Variants in FER1L6 observed in about 807,000 individuals in gnomAD.
The protein encoded by FER1L6 is fer-1-like protein 6.
Under a neutral mutation model 219.2 loss-of-function variants are expected in FER1L6, and 177 were observed. The observed-to-expected ratio is 0.81, with a 90% CI of 0.71 to 0.91. The LOEUF is 0.91. Among genes scored for constraint, FER1L6 ranks in the 40% least tolerant of loss-of-function variants. FER1L6 has a pLI of 0.00. For synonymous variants in FER1L6, 768 were observed against 824.3 expected, an observed-to-expected ratio of 0.93 and a Z score of 1.17; for missense variants, 2,153 against 2,259.9, an observed-to-expected ratio of 0.95 and a Z score of 0.96.
intron 31 of FER1L6, among the ~76,000 whole-genome samples, chr8:124,074,595 T>C (rs1038045156): frequency 1.2e-4 from 18 of 149,136 alleles, no homozygotes; most frequent in African/African-American, 4.2e-4. Context: ...TAAGTTGCAG[T>C]GAGCCAAGAC....
rs764916354 is a variant in FER1L6, at chr8:124,060,509, G to A, written c.2986-39G>A. ...GCCAGGGCAGGTGTGGGGCTCCTCC[G>A]TGGATCTGTGGTGATGGCTCTGCTG... On this transcript the variant is annotated intron_variant, in intron 23 of 40. Coordinates refer to ENST00000522917, the MANE Select transcript of FER1L6 (RefSeq NM_001039112.2). 35 of 1,607,872 alleles carry A rather than the reference G, an allele frequency of 2.2e-5. 2 individuals are homozygous for A. In the South Asian group the frequency reaches 2.8e-4, roughly 13 times the overall value.
chr8:124,026,082 GT>G (rs1304859080), intron 18 of FER1L6, among the ~76,000 whole-genome samples: 3 of 152,120 alleles, frequency 2.0e-5, no homozygotes, highest in Admixed American at 6.6e-5. Flanking sequence ...TGCCTTCTGG[GT>G]GGGCCCTTAT....
At chr8:124,021,148 G>A (rs1256209167) in intron 16 of FER1L6, among the ~76,000 whole-genome samples, 1 of 151,998 alleles carries the variant, frequency 6.6e-6, no homozygotes, top group African/African-American at 2.4e-5. Context: ...ACAAAATAAG[G>A]GTAAACGCCT....
intron 6 of FER1L6, among the ~76,000 whole-genome samples, chr8:123,971,856 C>T (rs1027429366): frequency 1.3e-5 from 2 of 152,220 alleles, no homozygotes; most frequent in Non-Finnish European, 2.9e-5. Context: ...GCTCCCAGTA[C>T]TCTGTGTGTG....
intron 11 of FER1L6, chr8:123,985,396 C>A (rs1816525817): frequency 6.6e-6 from 1 of 152,300 alleles, no homozygotes; most frequent in African/African-American, 2.4e-5. Flanking sequence ...GACTAATCTG[C>A]TATTTGTTTT....
intron 2 of FER1L6, among the ~76,000 whole-genome samples, chr8:123,959,430 A>G (rs1020404923): frequency 6.6e-6 from 1 of 152,194 alleles, no homozygotes; most frequent in African/African-American, 2.4e-5. Context: ...TTGCTGCTTC[A>G]AGGAGCACAG....
chr8:123,858,309 TCTTAAA>T (rs1001910300), intron 1 of FER1L6, among the ~76,000 whole-genome samples: 13 of 152,196 alleles, frequency 8.5e-5, no homozygotes, highest in African/African-American at 3.1e-4. Context: ...TTATCTATTC[TCTTAAA>T]CTTTGAGATC....
chr8:124,069,275 T>G, intron 28 of FER1L6, 85 bp from the exon 29 acceptor site: 1 of 1,023,762 alleles, frequency 9.8e-7, no homozygotes, highest in Non-Finnish European at 1.5e-6. Flanking sequence ...ATAGGACATG[T>G]CAGCAAAAGG....
Position 124,075,496 on chromosome 8 carries a change from G to A in FER1L6, c.4093-702G>A, listed in dbSNP as rs568955358. Among the ~76,000 whole-genome samples the A allele has an allele frequency of 4.6e-5, 7 of 152,012 alleles. No individual in the cohort carries two copies. The South Asian group carries it at 1.5e-3, about 32-fold the overall frequency. The stretch of plus-strand genomic sequence containing the variant: ...ACCTTTTTCTGGATGCCTTCTGATG[G>A]ACCTGCCTATGGATGTTTTACAGTT... On this transcript the variant is annotated intron_variant, in intron 31 of 40. Coordinates refer to ENST00000522917, the MANE Select transcript of FER1L6 (RefSeq NM_001039112.2).
At position 123,852,465 on chromosome 8, in the gene FER1L6, AGCAT is replaced by A. The variant is rs1462479902; in HGVS notation, c.-8+283_-8+286del. Among the ~76,000 whole-genome samples, 1 of 122,422 alleles carries A rather than the reference AGCAT, an allele frequency of 8.2e-6. No individual in the cohort carries two copies. Among genetic ancestry groups the A allele is most frequent in the African/African-American group, 3.4e-5 (1 of 29,672 alleles). The allele number at this position is 122,422 out of a possible 152,430, so 80.3% of individuals were successfully genotyped here. Reference sequence around the variant, plus strand: ...CTTGTTGCTTGAACTCCATGTTGTGAGCATGCGTGTGTGTGTGTGTGTGTGTGTG... The same window carrying A: ...CTTGTTGCTTGAACTCCATGTTGTGAGCGTGTGTGTGTGTGTGTGTGTGTG... On this transcript the variant is annotated intron_variant, in intron 1 of 40. Transcript: ENST00000522917. The surrounding 1 kb of genome is among the most constrained non-coding windows in gnomAD (Gnocchi z 4.9).
chr8:123,948,866 T>G (rs1158736942), intron 1 of FER1L6, among the ~76,000 whole-genome samples: 1 of 152,168 alleles, frequency 6.6e-6, no homozygotes, highest in South Asian at 2.1e-4. Flanking sequence ...TCAAGGACTT[T>G]TGTAAATATT....
intron 1 of FER1L6, among the ~76,000 whole-genome samples, chr8:123,901,867 C>T (rs935289362): frequency 8.6e-5 from 13 of 151,794 alleles, no homozygotes; most frequent in South Asian, 2.1e-4. Context: ...TATAGGTGCC[C>T]GCCACCACGC....
At chr8:124,099,678 G>A (rs1822469536) in intron 37 of FER1L6, among the ~76,000 whole-genome samples, 1 of 152,082 alleles carries the variant, frequency 6.6e-6, no homozygotes. Context: ...ATCTGATCAT[G>A]TCAGTCCTGT....
intron 20 of FER1L6, among the ~76,000 whole-genome samples, chr8:124,041,595 G>T (rs181293918): frequency 6.6e-6 from 1 of 152,212 alleles, no homozygotes; most frequent in African/African-American, 2.4e-5. Flanking sequence ...TGACACACGA[G>T]TCACTACACT....
intron 1 of FER1L6, among the ~76,000 whole-genome samples, chr8:123,897,176 C>T (rs1019784462): frequency 6.6e-5 from 10 of 152,270 alleles, no homozygotes; most frequent in Admixed American, 5.9e-4. Context: ...TCAGTCCTCA[C>T]CTGGAATAAT....
intron 22 of FER1L6, among the ~76,000 whole-genome samples, chr8:124,051,671 T>A (rs1586641297): frequency 6.6e-6 from 1 of 151,970 alleles, no homozygotes. Flanking sequence ...ATATGGCGAG[T>A]GAGAGCCTAG....
intron 39 of FER1L6, among the ~76,000 whole-genome samples, chr8:124,117,290 TAAAC>T (rs1028529953): frequency 7.9e-5 from 12 of 152,166 alleles, no homozygotes; most frequent in African/African-American, 2.9e-4. Flanking sequence ...ACTAATAGAA[TAAAC>T]AAACCTGGGA....
At chr8:124,080,462 C>T (rs796642755) in intron 32 of FER1L6, among the ~76,000 whole-genome samples, 11 of 152,168 alleles carry the variant, frequency 7.2e-5, no homozygotes, top group African/African-American at 1.7e-4. Context: ...GGACTACAGA[C>T]GCCTGCCACC....
chr8:123,908,462 G>T (rs1339632637), intron 1 of FER1L6, among the ~76,000 whole-genome samples: 2 of 152,114 alleles, frequency 1.3e-5, no homozygotes, highest in Admixed American at 6.5e-5. Context: ...AAAACAGTTT[G>T]TTTCCTCAGT....
Sources: allele counts gnomAD v4.1 joint callset (sites outside exome capture counted in the v4.1 genomes callset), GRCh38; gene constraint gnomAD v4.1.1; non-coding constraint Gnocchi (gnomAD v3.1); transcripts MANE v1.5; gene names NCBI Gene and HGNC (gene_info 2026-07-23, HGNC 2026-07-21).